The following KLC4 variants were observed in gnomAD, a reference collection of about 807,000 sequenced individuals.
KLC4 encodes kinesin-like protein 8.
Under a neutral mutation model 77.2 loss-of-function variants are expected in KLC4, and 49 were observed. That is an observed-to-expected ratio of 0.63 (90% CI 0.50 to 0.80). The LOEUF is 0.80. Ranked by LOEUF, KLC4 falls within the 30% of genes least tolerant of loss-of-function variation. The pLI, the probability that KLC4 is intolerant of heterozygous loss-of-function variation, is 0.00. For synonymous variants in KLC4, 274 were observed against 314.5 expected (o/e 0.87, Z 1.36); for missense variants, 669 against 793.5 (o/e 0.84, Z 1.89).
chr6:43,062,794 C>T, intron 2 of KLC4, 123 bp from the exon 3 acceptor site: 1 of 718,194 alleles, frequency 1.4e-6, no homozygotes, highest in Non-Finnish European at 2.4e-6. Flanking sequence ...ACCACTGCTA[C>T]ACCCCCACCT....
In KLC4 at chr6:43,073,985, G is replaced by A; in HGVS notation, c.1809+20G>A. The A allele has an allele frequency of 6.3e-7, 1 of 1,580,404 alleles. No homozygotes were observed. The highest frequency in any genetic ancestry group is 8.6e-7 in the Non-Finnish European group (1 of 1,162,880). Reference sequence around the variant, plus strand: ...CTCCAGGTGAGAGCAGTGCTTGTGAGCATATTGGTGGGTGAGGAAAAAAGG... The same window carrying A: ...CTCCAGGTGAGAGCAGTGCTTGTGAACATATTGGTGGGTGAGGAAAAAAGG... On this transcript the variant is annotated intron_variant, in intron 15 of 15. Transcript: ENST00000347162.
chr6:43,070,908 G>A, intron 8 of KLC4, 43 bp downstream of exon 8: 1 of 508,722 alleles, frequency 2.0e-6, no homozygotes, highest in Non-Finnish European at 3.1e-6. Flanking sequence ...ACGGAGAGGG[G>A]GGCACAGAGG....
intron 6 of KLC4, among the ~76,000 whole-genome samples, chr6:43,068,068 C>T (rs544915431): frequency 3.8e-5 from 3 of 79,528 alleles, no homozygotes; most frequent in Non-Finnish European, 6.2e-5. Flanking sequence ...GCCGAGATCC[C>T]GCCACTGCAC....
At chr6:43,065,723 G>C in intron 4 of KLC4, 22 bp downstream of exon 4, 2 of 1,579,722 alleles carry the variant, frequency 1.3e-6, no homozygotes, top group Non-Finnish European at 1.7e-6. Flanking sequence ...TCTGGAATGG[G>C]AGGGTGAAAA....
intron 3 of KLC4, among the ~76,000 whole-genome samples, chr6:43,065,076 C>CA (rs1336072783): frequency 6.8e-6 from 1 of 147,332 alleles, no homozygotes; most frequent in Non-Finnish European, 1.5e-5. Context: ...TTTTTTTTTT[C>CA]TTTTTTTTTT....
chr6:43,071,855 CGGCACCATGAGGGTGG>C lies in KLC4; in HGVS notation c.1314_1329del (p.His440ProfsTer14). On this transcript the variant is annotated frameshift_variant, in exon 11 of 16. Coordinates refer to ENST00000347162, the MANE Select transcript of KLC4 (RefSeq NM_201521.3). LOFTEE classifies it high-confidence loss of function. ...CTGGCCTCTCTCTGTCCTGCAGAGC[CGGCACCATGAGGGTGG>C]GACACCCTATGCTGAGTATGGAGGC... 1 of 1,612,016 alleles carries C rather than the reference CGGCACCATGAGGGTGG, an allele frequency of 6.2e-7. No homozygotes were observed.
chr6:43,072,414 G>C (rs1765778094), intron 12 of KLC4, among the ~76,000 whole-genome samples, 159 bp downstream of exon 12: 1 of 152,176 alleles, frequency 6.6e-6, no homozygotes, highest in Admixed American at 6.5e-5. Context: ...TTGTTTTTAA[G>C]CATGTTCTTA....
chr6:43,067,557 G>A (rs1014323577), intron 6 of KLC4, among the ~76,000 whole-genome samples: 1 of 152,120 alleles, frequency 6.6e-6, no homozygotes, highest in Non-Finnish European at 1.5e-5. Context: ...CACTTTGGGA[G>A]GCTGAGGAGG....
rs1582031078 is a variant in KLC4, at chr6:43,074,228, T to C, written c.1809+263T>C. 5 of 464,432 alleles carry C rather than the reference T, an allele frequency of 1.1e-5. No individual in the cohort carries two copies. In the East Asian group the frequency reaches 1.7e-4, roughly 16 times the overall value. 28.8% of individuals were successfully genotyped at this position (464,432 alleles called of 1,614,324 possible). A position where few individuals can be genotyped will look rare whatever the true frequency, so the allele number is the denominator to read the frequency against. On this transcript the variant is annotated intron_variant, in intron 15 of 15. Transcript: ENST00000347162. ...TCTGTAAACTGGTACTTTGGAATTA[T>C]GAATAATTTAAGAATTATTTGGAGA...
intron 3 of KLC4, among the ~76,000 whole-genome samples, chr6:43,063,640 G>A (rs1015325233): frequency 5.3e-5 from 8 of 151,010 alleles, no homozygotes; most frequent in African/African-American, 9.8e-5. Context: ...AGCAACCTCC[G>A]CCTCCCGGGT....
At chr6:43,071,736 G>A in intron 10 of KLC4, 116 bp from the exon 11 acceptor site, 1 of 1,435,492 alleles carries the variant, frequency 7.0e-7, no homozygotes, top group South Asian at 1.2e-5. Context: ...CAGATGCATG[G>A]TGTCCTCCCC....
chr6:43,074,140 C>T (rs553744845), intron 15 of KLC4, among the ~76,000 whole-genome samples, 175 bp downstream of exon 15: 2 of 152,182 alleles, frequency 1.3e-5, no homozygotes, highest in South Asian at 4.1e-4. Flanking sequence ...TGCTGACCAC[C>T]AAGGGACAGT....
intron 6 of KLC4, among the ~76,000 whole-genome samples, chr6:43,069,202 A>C (rs1037215644): frequency 6.6e-6 from 1 of 152,178 alleles, no homozygotes; most frequent in Non-Finnish European, 1.5e-5. Flanking sequence ...TAGAGTTGTC[A>C]ATGTACAGAA....
rs768752379 is a variant in KLC4, at chr6:43,061,538, C to T, written c.203C>T (p.Ala68Val). Residue 68 changes from alanine to valine, a missense_variant, in exon 2 of 16, where the codon GCC becomes GTC. Physicochemically the swap from Ala to Val is moderately conservative, Grantham distance 64 (BLOSUM62 0). Coordinates refer to ENST00000347162, the MANE Select transcript of KLC4 (RefSeq NM_201521.3). ...GHEEGLVHEK[A>V]RQLRRSMENI... ...GAGGAAGGGCTGGTGCATGAGAAGG[C>T]CCGGCAGCTTCGCCGTTCTATGGAA... 1.2e-6 allele frequency: 2 copies of T among 1,613,932 alleles called. No individual in the cohort carries two copies. Among genetic ancestry groups the T allele is most frequent in the Non-Finnish European group, 1.7e-6 (2 of 1,179,864 alleles).
At chr6:43,070,913 CAGA>C (rs778476323) in intron 8 of KLC4, 48 bp downstream of exon 8, 1 of 939,214 alleles carries the variant, frequency 1.1e-6, no homozygotes, top group Admixed American at 6.6e-5. Flanking sequence ...GAGGGGGGCA[CAGA>C]GGTGGGGGGA....
At chr6:43,067,388 A>C in intron 6 of KLC4, 1 of 455,144 alleles carries the variant, frequency 2.2e-6, no homozygotes, top group Non-Finnish European at 3.7e-6. Context: ...ATAAAAGAAA[A>C]ACAAGAAAAG....
In KLC4 at chr6:43,073,974, A is replaced by C; in HGVS notation, c.1809+9A>C. The C allele has an allele frequency of 6.3e-7, 1 of 1,598,888 alleles. No homozygotes were observed. ...GTGCAGCACCCCTCCAGGTGAGAGCAGTGCTTGTGAGCATATTGGTGGGTG... is the reference window on the plus strand; with the variant it reads ...GTGCAGCACCCCTCCAGGTGAGAGCCGTGCTTGTGAGCATATTGGTGGGTG... On this transcript the variant is annotated intron_variant, in intron 15 of 15. Transcript: ENST00000347162.
chr6:43,059,965 C>A, intron 1 of KLC4: 3 of 1,331,004 alleles, frequency 2.3e-6, no homozygotes, highest in Non-Finnish European at 2.9e-6. Flanking sequence ...ATCCACACCT[C>A]CCCCCTGCCG....
intron 4 of KLC4, among the ~76,000 whole-genome samples, 164 bp downstream of exon 4, chr6:43,065,865 C>G (rs1439224170): frequency 6.6e-6 from 1 of 152,190 alleles, no homozygotes; most frequent in East Asian, 1.9e-4. Flanking sequence ...CTCAGCCTCC[C>G]CATTGAACGA....
Sources: allele counts gnomAD v4.1 joint callset (sites outside exome capture counted in the v4.1 genomes callset), GRCh38; gene constraint gnomAD v4.1.1; transcripts MANE v1.5; gene names NCBI Gene and HGNC (gene_info 2026-07-23, HGNC 2026-07-21).